The following TBCA variants were observed in gnomAD, a reference collection of about 807,000 sequenced individuals.
TBCA encodes tubulin-specific chaperone A.
TBCA carries 6 observed loss-of-function variants against 15.8 expected under a neutral mutation model. The ratio of observed to expected loss-of-function variants is 0.38; its 90% confidence interval spans 0.21 to 0.75. The LOEUF is 0.75. TBCA is among the 30% of genes least tolerant of loss of function. The pLI, the probability that TBCA is intolerant of heterozygous loss-of-function variation, is 0.46. For synonymous variants in TBCA, 32 were observed against 42.3 expected, an observed-to-expected ratio of 0.76 and a Z score of 0.94; for missense variants, 90 against 131.2, an observed-to-expected ratio of 0.69 and a Z score of 1.53.
intron 1 of TBCA, among the ~76,000 whole-genome samples, chr5:77,738,525 C>A (rs981734785): frequency 1.3e-5 from 2 of 152,220 alleles, no homozygotes; most frequent in Admixed American, 6.5e-5. Flanking sequence ...ATGGCCTGCC[C>A]ACTAGGCTAT....
chr5:77,762,015 GC>G (rs1747654891), intron 1 of TBCA, among the ~76,000 whole-genome samples: 1 of 152,218 alleles, frequency 6.6e-6, no homozygotes, highest in Non-Finnish European at 1.5e-5. Flanking sequence ...AAAACGGAAT[GC>G]CTTTAATAAG....
chr5:77,721,245 G>A (rs1369280857), intron 1 of TBCA, among the ~76,000 whole-genome samples: 1 of 152,002 alleles, frequency 6.6e-6, no homozygotes, highest in African/African-American at 2.4e-5. Flanking sequence ...AGAAAATTTG[G>A]GAACAGAATC....
At chr5:77,775,624 G>C (rs909431864) in intron 1 of TBCA, among the ~76,000 whole-genome samples, 3 of 152,214 alleles carry the variant, frequency 2.0e-5, no homozygotes, top group Admixed American at 2.0e-4. Context: ...CGGGGAATCT[G>C]ACTGGAGAAA....
At chr5:77,703,802 A>T (rs1746078955) in intron 2 of TBCA, among the ~76,000 whole-genome samples, 2 of 151,994 alleles carry the variant, frequency 1.3e-5, no homozygotes, top group Admixed American at 1.3e-4. Flanking sequence ...TTCACCTTTG[A>T]TATGGTTTTA....
chr5:77,720,701 G>A (rs1746511598), intron 1 of TBCA, among the ~76,000 whole-genome samples: 1 of 152,102 alleles, frequency 6.6e-6, no homozygotes, highest in African/African-American at 2.4e-5. Context: ...GTCAGAGAGT[G>A]AGACTCCATC....
intron 2 of TBCA, among the ~76,000 whole-genome samples, chr5:77,704,304 T>C (rs981483687): frequency 6.6e-6 from 1 of 152,170 alleles, no homozygotes; most frequent in African/African-American, 2.4e-5. Context: ...AAATTATAAC[T>C]AGTCCAACAG....
At chr5:77,761,939 T>C (rs1477768212) in intron 1 of TBCA, among the ~76,000 whole-genome samples, 3 of 152,244 alleles carry the variant, frequency 2.0e-5, no homozygotes, top group Non-Finnish European at 4.4e-5. Context: ...GCAAGAGTTC[T>C]GAAATTTACC....
intron 1 of TBCA, among the ~76,000 whole-genome samples, chr5:77,756,418 C>T (rs1290502926): frequency 6.6e-6 from 1 of 152,176 alleles, no homozygotes; most frequent in Non-Finnish European, 1.5e-5. Context: ...GAGGCACCTT[C>T]TGGTTGGGAG....
intron 1 of TBCA, among the ~76,000 whole-genome samples, chr5:77,755,435 TGTGTG>T (rs1201737997): frequency 4.0e-5 from 6 of 151,538 alleles, no homozygotes; most frequent in African/African-American, 1.5e-4. Flanking sequence ...AAATTAGCCG[TGTGTG>T]GTGGTGCACG....
chr5:77,772,252 T>C (rs1444939610), intron 1 of TBCA, among the ~76,000 whole-genome samples: 1 of 152,142 alleles, frequency 6.6e-6, no homozygotes, highest in Non-Finnish European at 1.5e-5. Flanking sequence ...AAAAATATAA[T>C]GAAGCCCCAT....
At chr5:77,760,466 A>C (rs1747590753) in intron 1 of TBCA, among the ~76,000 whole-genome samples, 1 of 150,576 alleles carries the variant, frequency 6.6e-6, no homozygotes, top group Non-Finnish European at 1.5e-5. Flanking sequence ...TCTGTTGCCA[A>C]GGCTGGACTG....
At chr5:77,708,083 T>C (rs934963041) in intron 2 of TBCA, among the ~76,000 whole-genome samples, 159 bp downstream of exon 2, 1 of 152,210 alleles carries the variant, frequency 6.6e-6, no homozygotes, top group Non-Finnish European at 1.5e-5. Flanking sequence ...TGCGCAGTTA[T>C]TTAACCTGTG....
chr5:77,708,173 G>A, intron 2 of TBCA, 69 bp downstream of exon 2: 5 of 1,089,488 alleles, frequency 4.6e-6, no homozygotes, highest in Admixed American at 4.4e-5. Context: ...GAGGACTACT[G>A]TAAAAACTAC....
At chr5:77,718,355 C>A (rs1434396653) in intron 1 of TBCA, among the ~76,000 whole-genome samples, 1 of 152,030 alleles carries the variant, frequency 6.6e-6, no homozygotes, top group African/African-American at 2.4e-5. Context: ...ATCTATAGAC[C>A]ATTATGGGGT....
intron 1 of TBCA, among the ~76,000 whole-genome samples, chr5:77,766,512 A>T (rs1968012): frequency 0.032 from 1,885 of 58,256 alleles, 603 homozygotes; most frequent in African/African-American, 0.11. Context: ...TTATTTATTT[A>T]TTTTTTTTTT....
intron 1 of TBCA, among the ~76,000 whole-genome samples, chr5:77,729,342 C>G (rs931323162): frequency 2.6e-5 from 4 of 151,996 alleles, no homozygotes; most frequent in African/African-American, 9.7e-5. Context: ...AAGCATAATA[C>G]CATCACTGGA....
chr5:77,718,667 G>A (rs998775651), intron 1 of TBCA, among the ~76,000 whole-genome samples: 6 of 152,162 alleles, frequency 3.9e-5, no homozygotes, highest in African/African-American at 1.4e-4. Flanking sequence ...TCCCAAACTT[G>A]AGAATTATAG....
rs1747005188 is a variant in TBCA, at chr5:77,740,434, T to C, written c.54-32087A>G. Reference sequence around the variant, plus strand: ...GTGACCCAGACAAGAGCAGTAGCTATAGGAATTGAGATGTAGGTATTTTAA... The same window carrying C: ...GTGACCCAGACAAGAGCAGTAGCTACAGGAATTGAGATGTAGGTATTTTAA... On this transcript the variant is annotated intron_variant, in intron 1 of 3. Transcript: ENST00000380377. Among the ~76,000 whole-genome samples the C allele has an allele frequency of 2.6e-5, 4 of 152,046 alleles. No homozygotes were observed. The South Asian group carries it at 6.2e-4, about 24-fold the overall frequency.
At chr5:77,719,123 C>G (rs1363980058) in intron 1 of TBCA, among the ~76,000 whole-genome samples, 1 of 152,042 alleles carries the variant, frequency 6.6e-6, no homozygotes, top group East Asian at 1.9e-4. Flanking sequence ...TCATAATTAC[C>G]CTGCGTGGTA....
Sources: gnomAD v4.1 joint callset for allele counts (sites outside exome capture counted in the v4.1 genomes callset) on GRCh38, gnomAD v4.1.1 for gene constraint, MANE v1.5 for transcripts, NCBI Gene and HGNC (gene_info 2026-07-23, HGNC 2026-07-21) for gene names.